ZP3: variants seen among roughly 807,000 people sequenced by gnomAD.
ZP3 encodes zona pellucida glycoprotein 3, also known as zona pellucida sperm-binding protein 3.
ZP3 carries 21 observed loss-of-function variants against 35.6 expected under a neutral mutation model. The observed-to-expected ratio is 0.59, with a 90% CI of 0.42 to 0.85. The LOEUF (loss-of-function observed/expected upper bound fraction) is 0.85, where lower values mean the gene tolerates loss of function less well. Among genes scored for constraint, ZP3 ranks in the 40% least tolerant of loss-of-function variants. ZP3 has a pLI of 0.00. For synonymous variants in ZP3, 207 were observed against 214.5 expected (o/e 0.96, Z 0.31); for missense variants, 437 against 536.5 (o/e 0.81, Z 1.83).
Position 76,398,580 on chromosome 7 carries a change from C to T in ZP3, c.-67+783C>T, listed in dbSNP as rs1804715066. The T allele has an allele frequency of 6.4e-6, 6 of 939,044 alleles. No homozygotes were observed. In the Admixed American group the frequency reaches 9.9e-5, roughly 16 times the overall value. The allele number at this position is 939,044 out of a possible 1,614,324, so 58.2% of individuals were successfully genotyped here. On this transcript the variant is annotated intron_variant, in intron 1 of 8. Transcript: ENST00000336517. Reference sequence around the variant, plus strand: ...TCGGCCTCCCAAAGTGCTGGGATTACAGGTGTGAGCCACCATGCCCAGCCA... The same window carrying T: ...TCGGCCTCCCAAAGTGCTGGGATTATAGGTGTGAGCCACCATGCCCAGCCA...
At chr7:76,414,248 T>G (rs1446806061) in intron 1 of ZP3, among the ~76,000 whole-genome samples, 1 of 150,948 alleles carries the variant, frequency 6.6e-6, no homozygotes, top group Non-Finnish European at 1.5e-5. Context: ...CCGCCTGCCT[T>G]AGCGTCCCAA....
intron 2 of ZP3, among the ~76,000 whole-genome samples, chr7:76,432,312 C>A (rs1048605428): frequency 2.6e-5 from 4 of 151,962 alleles, no homozygotes; most frequent in Non-Finnish European, 4.4e-5. Flanking sequence ...CCTCAGCCTC[C>A]CAAGTAGCTG....
At chr7:76,413,995 CTTCT>C (rs1418839701) in intron 1 of ZP3, among the ~76,000 whole-genome samples, 18 of 119,652 alleles carry the variant, frequency 1.5e-4, no homozygotes, top group South Asian at 1.2e-3. Flanking sequence ...TTTCCTTCTT[CTTCT>C]TTTTTTTTTT....
In ZP3 at chr7:76,406,653, A is replaced by AT. The variant is rs531575447; in HGVS notation, c.-67+8861dup. Among the ~76,000 whole-genome samples the AT allele has an allele frequency of 4.9e-4, 74 of 150,478 alleles. 1 individual carries two copies. The highest frequency in any genetic ancestry group is 1.7e-3 in the African/African-American group (70 of 40,960). On this transcript the variant is annotated intron_variant, in intron 1 of 8. Transcript: ENST00000336517. Reference sequence around the variant, plus strand: ...CTTGCACCACCACACCCAGCTAATTATTTTTCTTTTTTTCTTTTTAGTAGA... The same window carrying AT: ...CTTGCACCACCACACCCAGCTAATTATTTTTTCTTTTTTTCTTTTTAGTAGA...
At chr7:76,409,948 CCA>C (rs984452680) in intron 1 of ZP3, among the ~76,000 whole-genome samples, 3 of 152,216 alleles carry the variant, frequency 2.0e-5, no homozygotes, top group African/African-American at 7.2e-5. Flanking sequence ...GTCCCAGGAG[CCA>C]CAGTGTATGG....
chr7:76,401,706 C>T (rs930572145), intron 1 of ZP3, among the ~76,000 whole-genome samples: 3 of 152,186 alleles, frequency 2.0e-5, no homozygotes, highest in African/African-American at 4.8e-5. Flanking sequence ...TGTGAGCCAA[C>T]ACACCTAGGC....
intron 5 of ZP3, among the ~76,000 whole-genome samples, chr7:76,437,883 A>G (rs916491): frequency 2.0e-4 from 31 of 152,176 alleles, no homozygotes; most frequent in Admixed American, 1.2e-3. Context: ...ATACTAGGAA[A>G]AAGCTAAGGA....
At chr7:76,435,578 T>C (rs1323070270) in intron 5 of ZP3, among the ~76,000 whole-genome samples, 9 of 152,242 alleles carry the variant, frequency 5.9e-5, no homozygotes, top group African/African-American at 1.4e-4. Context: ...TCTGGAGAGG[T>C]TGTAAAAATA....
chr7:76,437,821 G>T (rs201260836), intron 5 of ZP3, among the ~76,000 whole-genome samples: 11,592 of 145,892 alleles, frequency 0.079, no homozygotes, highest in African/African-American at 0.18. Flanking sequence ...CTAAAAGGCC[G>T]CTATAGGGGA....
chr7:76,414,882 CAAAT>C (rs1584045047), intron 1 of ZP3, among the ~76,000 whole-genome samples: 1 of 27,240 alleles, frequency 3.7e-5, no homozygotes, highest in East Asian at 1.1e-3. Context: ...AGCACAACTC[CAAAT>C]CTTATGCAGC....
chr7:76,414,200 T>A (rs546954619), intron 1 of ZP3, among the ~76,000 whole-genome samples: 5 of 152,120 alleles, frequency 3.3e-5, no homozygotes, highest in Non-Finnish European at 7.4e-5. Flanking sequence ...TTTTGCCATG[T>A]TGCCCAGGCT....
chr7:76,435,966 C>CA (rs1435870090), intron 5 of ZP3, among the ~76,000 whole-genome samples: 2 of 150,462 alleles, frequency 1.3e-5, no homozygotes, highest in Non-Finnish European at 2.9e-5. Flanking sequence ...CCTCATTATC[C>CA]AACCGCCTCA....
At chr7:76,416,893 TAC>T (rs146642699) in intron 1 of ZP3, among the ~76,000 whole-genome samples, 15,384 of 136,034 alleles carry the variant, frequency 0.11, 2,419 homozygotes, top group African/African-American at 0.32. Flanking sequence ...TACATATATA[TAC>T]ACATACATAT....
intron 1 of ZP3, among the ~76,000 whole-genome samples, chr7:76,403,067 C>A (rs1389456384): frequency 6.6e-6 from 1 of 152,180 alleles, no homozygotes; most frequent in Non-Finnish European, 1.5e-5. Flanking sequence ...TGAGATTAGA[C>A]AACTTACTCA....
At chr7:76,428,164 T>TAAA (rs71521125) in intron 1 of ZP3, among the ~76,000 whole-genome samples, 10,863 of 133,758 alleles carry the variant, frequency 0.081, 766 homozygotes, top group African/African-American at 0.18. Context: ...TGTCTCTATT[T>TAAA]AAAAAAAAAA....
upstream of ZP3, among the ~76,000 whole-genome samples, chr7:76,423,007 A>AGAGAG (rs1805544024): frequency 9.9e-4 from 75 of 76,110 alleles, 3 homozygotes; most frequent in African/African-American, 4.3e-3. Flanking sequence ...AAAAGAAAGA[A>AGAGAG]AGAGAGAGAG....
intron 1 of ZP3, among the ~76,000 whole-genome samples, chr7:76,419,904 C>T (rs1248853466): frequency 1.3e-5 from 2 of 151,576 alleles, no homozygotes; most frequent in East Asian, 1.9e-4. Context: ...CAGGTTCAAG[C>T]GATTCTCCTG....
At chr7:76,404,446 G>A (rs1804934215) in intron 1 of ZP3, 4 of 1,613,888 alleles carry the variant, frequency 2.5e-6, no homozygotes. Flanking sequence ...GCATCTAGAT[G>A]GTGAAGGGTG....
At chr7:76,441,794 C>A (rs780837933) in intron 7 of ZP3, 48 bp from the exon 8 acceptor site, 1 of 1,613,608 alleles carries the variant, frequency 6.2e-7, no homozygotes. Flanking sequence ...AACCCAGTTC[C>A]CGGTTAGGGA....
Sources: gnomAD v4.1 joint callset for allele counts (sites outside exome capture counted in the v4.1 genomes callset) on GRCh38, gnomAD v4.1.1 for gene constraint, MANE v1.5 for transcripts, NCBI Gene and HGNC (gene_info 2026-07-23, HGNC 2026-07-21) for gene names.